Variants in ZSCAN25 observed in about 807,000 individuals in gnomAD.
The protein encoded by ZSCAN25 is zinc finger and SCAN domain-containing protein 25.
In ZSCAN25, 27 loss-of-function variants were observed where a neutral mutation model predicts 38.7. That is an observed-to-expected ratio of 0.70 (90% confidence interval 0.51 to 0.96). The LOEUF is 0.96. ZSCAN25 is among the 40% of genes least tolerant of loss of function. The pLI, the probability that ZSCAN25 is intolerant of heterozygous loss-of-function variation, is 0.00. For missense variants in ZSCAN25, 637 were observed against 705.9 expected (o/e 0.90, Z 1.11); for synonymous variants, 273 against 277.7 (o/e 0.98, Z 0.17).
chr7:99,662,798 GA>G, the ZSCAN25 span: 1 of 1,611,060 alleles, frequency 6.2e-7, no homozygotes, highest in African/African-American at 1.3e-5. This position sits in a 1 kb window ranked among gnomAD's most constrained non-coding sequence, Gnocchi z 4.3. Context: ...GTAGCCCTCA[GA>G]AGCACTCCTT....
At chr7:99,638,515 T>C in the ZSCAN25 span, 2 of 1,504,666 alleles carry the variant, frequency 1.3e-6, no homozygotes, top group African/African-American at 2.7e-5. Context: ...ACTACGAAGA[T>C]CAGACCTTGG....
At chr7:99,659,722 C>G in the ZSCAN25 span, 5 of 152,680 alleles carry the variant, frequency 3.3e-5, no homozygotes, top group African/African-American at 1.2e-4. Flanking sequence ...GTGGGCTTCA[C>G]CCAGTTTGAG....
the ZSCAN25 span, among the ~76,000 whole-genome samples, chr7:99,680,975 G>C: frequency 2.6e-5 from 4 of 152,182 alleles, no homozygotes; most frequent in Non-Finnish European, 5.9e-5. Context: ...CAGTACTTGG[G>C]TACAACACTG....
the ZSCAN25 span, among the ~76,000 whole-genome samples, chr7:99,643,463 G>A: frequency 6.6e-6 from 1 of 151,556 alleles, no homozygotes; most frequent in African/African-American, 2.4e-5. Flanking sequence ...TTTCCATGGG[G>A]CCAAATCATT....
Position 99,630,836 on chromosome 7 carries a change from A to G in ZSCAN25, c.*816A>G. The G allele has an allele frequency of 1.0e-6, 1 of 985,330 alleles. No individual in the cohort carries two copies. Among genetic ancestry groups the G allele is most frequent in the Non-Finnish European group, 1.2e-6 (1 of 829,796 alleles). 61.0% of individuals were successfully genotyped at this position (985,330 alleles called of 1,614,324 possible). A position where few individuals can be genotyped will look rare whatever the true frequency, so the allele number is the denominator to read the frequency against. On this transcript the variant is annotated 3_prime_UTR_variant, in exon 8 of 8. Transcript: ENST00000394152. Reference sequence around the variant, plus strand: ...GTATTTTGCTATTGATCACTGAATAAACATCAGAGTATTTTAAAAAACAGT... The same window carrying G: ...GTATTTTGCTATTGATCACTGAATAGACATCAGAGTATTTTAAAAAACAGT...
the ZSCAN25 span, chr7:99,652,248 A>G: frequency 1.8e-5 from 3 of 163,518 alleles, no homozygotes. Flanking sequence ...AAATCAAGTA[A>G]GCAGCAATTC....
chr7:99,666,540 A>G, the ZSCAN25 span: 7 of 1,558,240 alleles, frequency 4.5e-6, no homozygotes, highest in African/African-American at 5.4e-5. Context: ...TGTCGACTCC[A>G]TGGCAGGCAG....
At chr7:99,635,376 C>T (rs1235329787), downstream of ZSCAN25, among the ~76,000 whole-genome samples, 2 of 152,142 alleles carry the variant, frequency 1.3e-5, no homozygotes. Context: ...TAAACAACTT[C>T]AGGATCTTAT....
the ZSCAN25 span, among the ~76,000 whole-genome samples, chr7:99,712,972 TG>T: frequency 2.0e-5 from 3 of 152,182 alleles, no homozygotes; most frequent in African/African-American, 4.8e-5. Context: ...ACTTCATAGT[TG>T]ATTAACCTGG....
At chr7:99,708,729 A>G in the ZSCAN25 span, among the ~76,000 whole-genome samples, 1,284 of 152,272 alleles carry the variant, frequency 8.4e-3, 16 homozygotes, top group African/African-American at 0.03. Flanking sequence ...CATTTGTGGG[A>G]CATAATAATA....
chr7:99,705,424 T>C, the ZSCAN25 span: 25 of 1,513,242 alleles, frequency 1.7e-5, no homozygotes, highest in African/African-American at 2.9e-4. Flanking sequence ...AGGGTTCTAT[T>C]TGTAAAGTAA....
the ZSCAN25 span, chr7:99,660,770 A>C: frequency 7.5e-7 from 1 of 1,325,518 alleles, no homozygotes; most frequent in Non-Finnish European, 1.0e-6. Flanking sequence ...ATGGAAAAGC[A>C]ATTCAAAGTC....
the ZSCAN25 span, among the ~76,000 whole-genome samples, chr7:99,694,218 A>G: frequency 1.3e-5 from 2 of 152,188 alleles, no homozygotes; most frequent in Non-Finnish European, 2.9e-5. Flanking sequence ...TCAGAAGGGA[A>G]TGCACAGTCT....
intron 5 of ZSCAN25, 179 bp from the exon 6 acceptor site, chr7:99,622,370 C>T: frequency 3.0e-6 from 2 of 664,076 alleles, no homozygotes; most frequent in Non-Finnish European, 5.4e-6. Flanking sequence ...GAGAATAGGG[C>T]AAGGGACACC....
the ZSCAN25 span, chr7:99,705,610 C>T: frequency 5.1e-5 from 82 of 1,611,958 alleles, no homozygotes; most frequent in African/African-American, 7.7e-4. Context: ...AACAGTTAAA[C>T]GAGCATATTG....
chr7:99,630,015 C>T lies in ZSCAN25; in HGVS notation c.1630C>T (p.Gln544Ter), dbSNP rs1328156173. 8.4e-6 allele frequency: 13 copies of T among 1,551,110 alleles called. No homozygotes were observed. Among genetic ancestry groups the T allele is most frequent in the Non-Finnish European group, 1.0e-5 (12 of 1,148,766 alleles). Reference protein sequence around the residue: ...KTQHRQEPLVQ With the variant: ...KTQHRQEPLV ...CCAGCACCGCCAGGAGCCGCTGGTG[C>T]AGTGAGCATAGCAGGTGGCAGGCAG... is the stretch of plus-strand genomic sequence containing the variant. Residue 544 changes from glutamine (Q) to a stop codon, truncating the protein, a stop_gained, in exon 8 of 8, where the codon CAG becomes TAG. Coordinates refer to ENST00000394152, the MANE Select transcript of ZSCAN25 (RefSeq NM_145115.3). LOFTEE classifies it high-confidence loss of function.
chr7:99,712,059 T>C, the ZSCAN25 span, among the ~76,000 whole-genome samples: 1 of 152,206 alleles, frequency 6.6e-6, no homozygotes, highest in Non-Finnish European at 1.5e-5. Context: ...GTATAAGCTC[T>C]TGTGATTGCA....
chr7:99,735,355 A>T, the ZSCAN25 span, among the ~76,000 whole-genome samples: 3,853 of 151,732 alleles, frequency 0.025, 78 homozygotes, highest in Non-Finnish European at 0.034. Context: ...ACTGACCTCC[A>T]TTGAGTTAAT....
At chr7:99,705,166 T>C in the ZSCAN25 span, 1 of 254,300 alleles carries the variant, frequency 3.9e-6, no homozygotes, top group South Asian at 5.6e-5. Flanking sequence ...TTAATGATTG[T>C]GGTTGAAATT....
Sources: allele counts gnomAD v4.1 joint callset (sites outside exome capture counted in the v4.1 genomes callset), GRCh38; gene constraint gnomAD v4.1.1; non-coding constraint Gnocchi (gnomAD v3.1); transcripts MANE v1.5; gene names NCBI Gene and HGNC (gene_info 2026-07-23, HGNC 2026-07-21).